CASK: variants seen among roughly 807,000 people sequenced by gnomAD.
The protein encoded by CASK is calcium/calmodulin dependent serine protein kinase, also known as peripheral plasma membrane protein CASK.
In CASK, 4 loss-of-function variants were observed where a neutral mutation model predicts 82.9. The ratio of observed to expected loss-of-function variants is 0.05; its 90% CI spans 0.02 to 0.11. The LOEUF (loss-of-function observed/expected upper bound fraction) is 0.11, where lower values mean the gene tolerates loss of function less well. Ranked by LOEUF, CASK falls within the 10% of genes least tolerant of loss-of-function variation. The probability of loss-of-function intolerance (pLI) is 1.00; values close to 1 mark genes in which losing one functional copy is unlikely to be tolerated. For missense variants in CASK, 358 were observed against 720.9 expected (o/e 0.50, Z 5.76); for synonymous variants, 259 against 253.5 (o/e 1.02, Z -0.20).
chrX:41,572,556 C>G (rs963202781), intron 15 of CASK, among the ~76,000 whole-genome samples: 1 of 111,049 alleles, frequency 9.0e-6, no homozygotes, highest in Non-Finnish European at 1.9e-5. Flanking sequence ...AACCCTTATC[C>G]CCCCTACATC....
At chrX:41,894,679 C>G (rs755733358) in intron 1 of CASK, among the ~76,000 whole-genome samples, 15 of 105,975 alleles carry the variant, frequency 1.4e-4, no homozygotes, top group African/African-American at 5.2e-4. Context: ...AGACCCAGAG[C>G]AATTCCAAGT....
intron 2 of CASK, among the ~76,000 whole-genome samples, chrX:41,833,738 A>C (rs1401039026): frequency 9.0e-6 from 1 of 111,693 alleles, no homozygotes; most frequent in Non-Finnish European, 1.9e-5. Flanking sequence ...ATGAATTATA[A>C]TGACTTAATA....
Position 41,657,577 on chromosome X carries a change from C to A in CASK, c.831+2862G>T, listed in dbSNP as rs759992676. On this transcript the variant is annotated intron_variant, in intron 8 of 26. Transcript: ENST00000378163. ...CGCTCTTGTAGCCCAGGCTGGAGTGCTATGGCGTGATCTTGGCTCACTGCA... is the reference window on the plus strand; with the variant it reads ...CGCTCTTGTAGCCCAGGCTGGAGTGATATGGCGTGATCTTGGCTCACTGCA... Among the ~76,000 whole-genome samples, 57 of 110,787 alleles carry A rather than the reference C, an allele frequency of 5.1e-4. 3 individuals carry two copies. The South Asian group carries it at 0.018, about 35-fold the overall frequency.
At chrX:41,560,404 T>C (rs1009684927) in intron 17 of CASK, among the ~76,000 whole-genome samples, 1 of 107,349 alleles carries the variant, frequency 9.3e-6, no homozygotes, top group Non-Finnish European at 1.9e-5. Flanking sequence ...GCTGGGATTA[T>C]AGGCACGCGC....
intron 5 of CASK, among the ~76,000 whole-genome samples, chrX:41,719,791 G>A (rs1298674789): frequency 2.7e-5 from 3 of 112,542 alleles, no homozygotes; most frequent in Non-Finnish European, 1.9e-5. Context: ...ACAAAAGAAG[G>A]AGGAAGTAAC....
At chrX:41,524,282 A>AATC (rs2064680638) in intron 25 of CASK, 1 of 365,724 alleles carries the variant, frequency 2.7e-6, no homozygotes, top group Admixed American at 4.7e-5. Context: ...CTCATGAATC[A>AATC]ATCTATTTTT....
At chrX:41,664,464 G>A (rs2067082680) in intron 7 of CASK, among the ~76,000 whole-genome samples, 1 of 111,230 alleles carries the variant, frequency 9.0e-6, no homozygotes, top group African/African-American at 3.3e-5. Flanking sequence ...TGAATAGAAA[G>A]TATGAGTTTC....
At chrX:41,632,383 T>C (rs2066483331) in intron 9 of CASK, among the ~76,000 whole-genome samples, 1 of 111,486 alleles carries the variant, frequency 9.0e-6, no homozygotes, top group African/African-American at 3.3e-5. Flanking sequence ...TATCAAAAAG[T>C]GCTGCTTATG....
intron 3 of CASK, among the ~76,000 whole-genome samples, chrX:41,754,350 A>G (rs1306180867): frequency 9.0e-6 from 1 of 111,460 alleles, no homozygotes; most frequent in Non-Finnish European, 1.9e-5. Context: ...GCAGTGAGCC[A>G]TGACTGCACC....
chrX:41,799,969 C>G (rs1304268033), intron 2 of CASK, among the ~76,000 whole-genome samples: 1 of 108,224 alleles, frequency 9.2e-6, no homozygotes, highest in East Asian at 2.9e-4. Flanking sequence ...CTATATAGAG[C>G]AAGCGGCAGA....
Position 41,904,897 on chromosome X carries a change from C to T in CASK, c.59+18033G>A, listed in dbSNP as rs2072443904. ...TCAGAATAATGGCCTCCAGCTCCAT[C>T]TATGTTACTGCAAAGGATATAATCT... On this transcript the variant is annotated intron_variant, in intron 1 of 26. Coordinates refer to ENST00000378163, the MANE Select transcript of CASK (RefSeq NM_001367721.1). Among the ~76,000 whole-genome samples the T allele has an allele frequency of 2.7e-5, 3 of 111,707 alleles. No individual in the cohort carries two copies. In the Admixed American group the frequency reaches 2.9e-4, roughly 11 times the overall value.
chrX:41,521,409 G>A (rs1427279865), intron 26 of CASK, among the ~76,000 whole-genome samples: 1 of 111,980 alleles, frequency 8.9e-6, no homozygotes, highest in African/African-American at 3.2e-5. Flanking sequence ...GAGAACTCTA[G>A]GGAGTACTGA....
chrX:41,693,487 G>A (rs766621776), intron 5 of CASK, among the ~76,000 whole-genome samples: 69 of 110,577 alleles, frequency 6.2e-4, no homozygotes, highest in African/African-American at 2.2e-3. Context: ...GGTGGCGGGC[G>A]CCTGTAATCC....
chrX:41,536,092 A>G (rs999677747), intron 22 of CASK, among the ~76,000 whole-genome samples: 2 of 111,395 alleles, frequency 1.8e-5, no homozygotes, highest in African/African-American at 6.5e-5. Flanking sequence ...TGATGTAATA[A>G]AGGAATCTGG....
chrX:41,919,602 G>T (rs1242943505), intron 1 of CASK, among the ~76,000 whole-genome samples: 1 of 112,017 alleles, frequency 8.9e-6, no homozygotes, highest in African/African-American at 3.2e-5. Flanking sequence ...TTTGCATAAC[G>T]CCCTTCCTTT....
intron 22 of CASK, among the ~76,000 whole-genome samples, chrX:41,540,940 T>C (rs1436445033): frequency 8.9e-6 from 1 of 112,652 alleles, no homozygotes; most frequent in Non-Finnish European, 1.9e-5. Context: ...ACAGCATAAA[T>C]CTAATGATAA....
intron 8 of CASK, among the ~76,000 whole-genome samples, chrX:41,652,133 G>T (rs1473938570): frequency 4.5e-5 from 5 of 111,097 alleles, no homozygotes; most frequent in Non-Finnish European, 9.4e-5. Context: ...TCTAGGGAAG[G>T]GTCATATAAA....
intron 5 of CASK, among the ~76,000 whole-genome samples, chrX:41,721,487 T>C (rs1362745192): frequency 1.8e-5 from 2 of 111,358 alleles, no homozygotes; most frequent in Non-Finnish European, 3.8e-5. Context: ...CAGTTTCTGC[T>C]ACCTCAAGTC....
At chrX:41,843,093 G>T (rs1054240227) in intron 2 of CASK, among the ~76,000 whole-genome samples, 1 of 111,319 alleles carries the variant, frequency 9.0e-6, no homozygotes, top group African/African-American at 3.3e-5. Flanking sequence ...ATATATACAT[G>T]ATAATGTTAT....
Sources: allele counts gnomAD v4.1 joint callset (sites outside exome capture counted in the v4.1 genomes callset), GRCh38; gene constraint gnomAD v4.1.1; transcripts MANE v1.5; gene names NCBI Gene and HGNC (gene_info 2026-07-23, HGNC 2026-07-21).